Variants in WDR37 observed in about 807,000 individuals in gnomAD.
WDR37 encodes WD repeat domain 37, also known as WD repeat-containing protein 37.
A neutral mutation model predicts 62.9 loss-of-function variants in WDR37; 19 were observed. The ratio of observed to expected loss-of-function variants is 0.30; its 90% CI spans 0.21 to 0.44. The LOEUF (loss-of-function observed/expected upper bound fraction) is 0.44. WDR37 is among the 20% of genes least tolerant of loss of function. The pLI, the probability that WDR37 is intolerant of heterozygous loss-of-function variation, is 1.00. For synonymous variants in WDR37, 250 were observed against 260.9 expected (o/e 0.96, Z 0.40); for missense variants, 474 against 657.6 (o/e 0.72, Z 3.05).
In WDR37 at chr10:1,072,138, C is replaced by G. The variant is rs376115508; in HGVS notation, c.-18C>G. The G allele has an allele frequency of 6.2e-7, 1 of 1,613,640 alleles. No homozygotes were observed. Among genetic ancestry groups the G allele is most frequent in the Non-Finnish European group, 8.5e-7 (1 of 1,179,754 alleles). ...TAGCTTATTGCAGGAGTGACCAGGA[C>G]ACTACCTCCTAGAAGTAATGCCCAC... On this transcript the variant is annotated 5_prime_UTR_variant, in exon 2 of 14. Transcript: ENST00000263150.
chr10:1,080,192 G>T, intron 4 of WDR37, 86 bp downstream of exon 4: 3 of 1,504,012 alleles, frequency 2.0e-6, no homozygotes, highest in Non-Finnish European at 2.8e-6. Context: ...GCTGGTTTGC[G>T]TTTTGCTGTC....
In WDR37 at chr10:1,080,481, G is replaced by T; in HGVS notation, c.396+5G>T. 6.2e-7 allele frequency: 1 copy of T among 1,614,142 alleles called. No homozygotes were observed. The highest frequency in any genetic ancestry group is 1.1e-5 in the South Asian group (1 of 91,056). ...TACAAGGCTTCCACCAGCAAGGTAT[G>T]CAGGCCACTGGCTCTTGAGCCATCA... On this transcript the variant is annotated splice_donor_5th_base_variant and intron_variant, in intron 5 of 13. Transcript: ENST00000263150.
At chr10:1,066,121 CTTTT>C (rs572086625) in intron 1 of WDR37, among the ~76,000 whole-genome samples, 1 of 146,602 alleles carries the variant, frequency 6.8e-6, no homozygotes, top group Non-Finnish European at 1.5e-5. Context: ...ATATGTAGGA[CTTTT>C]TTTTTTTAGA....
At chr10:1,090,284 G>C (rs765841473) in intron 7 of WDR37, among the ~76,000 whole-genome samples, 1 of 152,148 alleles carries the variant, frequency 6.6e-6, no homozygotes, top group Non-Finnish European at 1.5e-5. Context: ...TCGGCCTCCC[G>C]AGTAGCTGGG....
In WDR37 at chr10:1,072,096, T is replaced by C. The variant is rs1833749192; in HGVS notation, c.-40-20T>C. 22 of 1,583,198 alleles carry C rather than the reference T, an allele frequency of 1.4e-5. 1 individual carries two copies. The South Asian group carries it at 2.5e-4, about 18-fold the overall frequency. ...TCAACTCGCTGTATCAGAAACACTG[T>C]TTTTTCTTGCTGTTTTTAGCTTATT... On this transcript the variant is annotated intron_variant, in intron 1 of 13. Transcript: ENST00000263150.
intron 1 of WDR37, among the ~76,000 whole-genome samples, chr10:1,061,908 T>G (rs1399163668): frequency 6.6e-6 from 1 of 152,126 alleles, no homozygotes; most frequent in Non-Finnish European, 1.5e-5. Flanking sequence ...AACTTTGAGT[T>G]TAGCCTTGGG....
At chr10:1,082,170 C>T (rs1834047385) in intron 5 of WDR37, among the ~76,000 whole-genome samples, 4 of 152,190 alleles carry the variant, frequency 2.6e-5, no homozygotes, top group Admixed American at 2.6e-4. Flanking sequence ...ATTCGTACTA[C>T]AGTGTGGATT....
intron 12 of WDR37, 139 bp from the exon 13 acceptor site, chr10:1,124,771 C>A: frequency 8.9e-7 from 1 of 1,128,376 alleles, no homozygotes; most frequent in Non-Finnish European, 1.3e-6. Context: ...ATACCGTAAG[C>A]AGGTGGTACA....
chr10:1,068,474 C>G (rs1833623824), intron 1 of WDR37, among the ~76,000 whole-genome samples: 1 of 150,910 alleles, frequency 6.6e-6, no homozygotes, highest in Non-Finnish European at 1.5e-5. Flanking sequence ...AAAAAACAAA[C>G]AGTGTTTTAC....
At chr10:1,077,832 C>G in intron 2 of WDR37, 75 bp from the exon 3 acceptor site, 2 of 1,061,410 alleles carry the variant, frequency 1.9e-6, no homozygotes, top group South Asian at 3.0e-5. Flanking sequence ...AAAGATAATT[C>G]ACTTTGGAAA....
chr10:1,099,023 T>G (rs1026351224), intron 9 of WDR37, among the ~76,000 whole-genome samples: 2 of 152,266 alleles, frequency 1.3e-5, no homozygotes, highest in African/African-American at 4.8e-5. Flanking sequence ...CATCAACTAA[T>G]GGCCTTTATG....
chr10:1,127,936 C>T (rs1334575565), intron 13 of WDR37, among the ~76,000 whole-genome samples: 1 of 152,254 alleles, frequency 6.6e-6, no homozygotes, highest in African/African-American at 2.4e-5. Flanking sequence ...CTTCTGGAAG[C>T]TCTTTGGCAC....
chr10:1,072,209 C>A lies in WDR37; in HGVS notation c.54C>A (p.Arg18=), dbSNP rs1274282999. 1 of 1,614,184 alleles carries A rather than the reference C, an allele frequency of 6.2e-7. No individual in the cohort carries two copies. Among genetic ancestry groups the A allele is most frequent in the Non-Finnish European group, 8.5e-7 (1 of 1,180,036 alleles). The change falls in exon 2 of 14, where the codon CGC becomes CGA. Residue 18 remains arginine, a synonymous_variant. Coordinates refer to ENST00000263150, the MANE Select transcript of WDR37 (RefSeq NM_014023.4). Reference sequence around the variant, plus strand: ...CTGCTCGCCAAACAAAACAGAAGCGCAAATCCCATAGCCTTTCTATACGAA... The same window carrying A: ...CTGCTCGCCAAACAAAACAGAAGCGAAAATCCCATAGCCTTTCTATACGAA... ...CSTARQTKQK[R]KSHSLSIRRT...
rs925746659 is a variant in WDR37, at chr10:1,056,816, A to T, written c.-193A>T. The T allele has an allele frequency of 2.0e-5, 3 of 152,132 alleles. No homozygotes were observed. Among genetic ancestry groups the T allele is most frequent in the African/African-American group, 4.8e-5 (2 of 41,374 alleles). 9.4% of individuals were successfully genotyped at this position (152,132 alleles called of 1,614,324 possible). On this transcript the variant is annotated 5_prime_UTR_variant, in exon 1 of 14. Transcript: ENST00000263150. The stretch of plus-strand genomic sequence containing the variant: ...CTTCCGGCGACACCGGAAGTGCATT[A>T]GCGCCAGGTTGGGGTTGTGGGGTCG...
Position 1,103,900 on chromosome 10 carries a change from T to G in WDR37, c.961+64T>G. ...CATGTTAGTTTATGTCCATGGGTTA[T>G]GTCTGACCTTGCCACTTACTTCTTG... On this transcript the variant is annotated intron_variant, in intron 10 of 13. Coordinates refer to ENST00000263150, the MANE Select transcript of WDR37 (RefSeq NM_014023.4). This position sits in a 1 kb window ranked among gnomAD's most constrained non-coding sequence, Gnocchi z 6.3. 3.3e-6 allele frequency: 5 copies of G among 1,505,904 alleles called. No homozygotes were observed. Among genetic ancestry groups the G allele is most frequent in the Non-Finnish European group, 4.5e-6 (5 of 1,100,934 alleles). 93.3% of individuals were successfully genotyped at this position (1,505,904 alleles called of 1,614,324 possible).
chr10:1,072,469 C>A (rs1451123176), intron 2 of WDR37, among the ~76,000 whole-genome samples, 176 bp downstream of exon 2: 1 of 152,192 alleles, frequency 6.6e-6, no homozygotes, highest in Non-Finnish European at 1.5e-5. Context: ...CATGTGCCAC[C>A]ATGCCCGGCT....
intron 11 of WDR37, among the ~76,000 whole-genome samples, chr10:1,111,832 A>C (rs939437356): frequency 5.3e-5 from 8 of 152,358 alleles, no homozygotes; most frequent in African/African-American, 1.7e-4. Flanking sequence ...TATTAGAAAT[A>C]ATAAAAAGGC....
chr10:1,088,669 G>A (rs916947238), intron 7 of WDR37, among the ~76,000 whole-genome samples: 4 of 150,898 alleles, frequency 2.7e-5, no homozygotes, highest in African/African-American at 9.8e-5. Context: ...AAAAATCCAA[G>A]GTCAAGGTGC....
intron 12 of WDR37, 87 bp from the exon 13 acceptor site, chr10:1,124,823 T>C: frequency 2.0e-6 from 3 of 1,517,684 alleles, no homozygotes; most frequent in Non-Finnish European, 2.7e-6. Flanking sequence ...GTGAATAATA[T>C]GGAACCTCCT....
Sources: allele counts gnomAD v4.1 joint callset (sites outside exome capture counted in the v4.1 genomes callset), GRCh38; gene constraint gnomAD v4.1.1; non-coding constraint Gnocchi (gnomAD v3.1); transcripts MANE v1.5; gene names NCBI Gene and HGNC (gene_info 2026-07-23, HGNC 2026-07-21).